NUP153: variants seen among roughly 807,000 people sequenced by gnomAD.
NUP153 encodes the protein nuclear pore complex protein Nup153.
A neutral mutation model predicts 134.6 loss-of-function variants in NUP153; 27 were observed. The observed-to-expected ratio is 0.20, with a 90% CI of 0.15 to 0.28. NUP153 has a LOEUF of 0.28. Among genes scored for constraint, NUP153 ranks in the 10% least tolerant of loss-of-function variants. NUP153 has a pLI of 1.00. For synonymous variants in NUP153, 640 were observed against 623.5 expected (o/e 1.03, Z -0.40); for missense variants, 1,821 against 1,731.3 (o/e 1.05, Z -0.92).
At position 17,646,099 on chromosome 6, in the gene NUP153, C is replaced by T. The variant is rs769202315; in HGVS notation, c.1688G>A (p.Ser563Asn). Residue 563 changes from serine (S) to asparagine (N), a missense_variant, in exon 14 of 22, where the codon AGT (serine) becomes AAT (asparagine). By Grantham distance (46) the Ser-to-Asn change is conservative. Transcript: ENST00000262077. ...ACTTATAATTGGTTCTAAAGTACTA[C>T]TAGAACCAGAAAGTTCTGCTGTTTT... ...VAKTAELSGS[S>N]STLEPIISSS... The T allele has an allele frequency of 9.4e-6, 15 of 1,596,838 alleles. No homozygotes were observed. Among genetic ancestry groups the T allele is most frequent in the Non-Finnish European group, 1.3e-5 (15 of 1,164,992 alleles).
chr6:17,616,689 G>A lies in NUP153; in HGVS notation c.4181C>T (p.Ala1394Val), dbSNP rs2113755551. The change falls in exon 21 of 22, where the codon GCT becomes GTT. Residue 1394 changes from alanine (A) to valine (V), a missense_variant. Physicochemically the swap from Ala to Val is moderately conservative, Grantham distance 64. Coordinates refer to ENST00000262077, the MANE Select transcript of NUP153 (RefSeq NM_005124.4). ...TGTAGTGCTGCTGCCAAACTGGAAA[G>A]CCGAACCTGCAATAGTTAAAGCAGA... ...GSGTTPNSSS[A>V]FQFGSSTTNF... 2 of 1,611,680 alleles carry A rather than the reference G, an allele frequency of 1.2e-6. No individual in the cohort carries two copies. Among genetic ancestry groups the A allele is most frequent in the East Asian group, 4.5e-5 (2 of 44,840 alleles).
chr6:17,648,013 T>C, intron 12 of NUP153, 108 bp from the exon 13 acceptor site: 2 of 693,854 alleles, frequency 2.9e-6, no homozygotes, highest in Non-Finnish European at 5.0e-6. Flanking sequence ...CTAAGTATTT[T>C]TTCCTTTTAA....
Position 17,629,315 on chromosome 6 carries a change from C to G in NUP153, c.2884G>C (p.Gly962Arg). 6.2e-7 allele frequency: 1 copy of G among 1,606,850 alleles called. No individual in the cohort carries two copies. Among genetic ancestry groups the G allele is most frequent in the Non-Finnish European group, 8.5e-7 (1 of 1,178,192 alleles). ...TCGGGCTTAGATTCAGATGAAACTC[C>G]AAATTTAAAATCTCCTATTGGTTTA... is the stretch of plus-strand genomic sequence containing the variant. ...FSKPIGDFKF[G>R]VSSESKPEEV... The change falls in exon 18 of 22, where the codon GGA becomes CGA. Residue 962 changes from glycine (G) to arginine (R), a missense_variant. Coordinates refer to ENST00000262077, the MANE Select transcript of NUP153 (RefSeq NM_005124.4).
Position 17,661,684 on chromosome 6 carries a change from C to A in NUP153, c.1364G>T (p.Arg455Leu). 1.2e-6 allele frequency: 2 copies of A among 1,613,826 alleles called. No individual in the cohort carries two copies. Among genetic ancestry groups the A allele is most frequent in the South Asian group, 2.2e-5 (2 of 91,054 alleles). ...GGGKMRRERTRFVASKPLEEE... is the reference protein window; with the variant it reads ...GGGKMRRERTLFVASKPLEEE... ...CTCCAGAGGTTTAGAAGCAACAAAG[C>A]GTGTTCTTTCTCGTCTCATCTTGCC... The change falls in exon 11 of 22, where the codon CGC (arginine) becomes CTC (leucine). Residue 455 changes from arginine to leucine, a missense_variant. By Grantham distance (102) the Arg-to-Leu change is moderately radical. Transcript: ENST00000262077.
chr6:17,665,861 T>G (rs988089807), intron 8 of NUP153, among the ~76,000 whole-genome samples: 6 of 150,736 alleles, frequency 4.0e-5, no homozygotes, highest in African/African-American at 9.8e-5. Flanking sequence ...ATTTTTTTGG[T>G]TTTTTTTTGT....
At chr6:17,684,605 T>C (rs1768800949) in intron 2 of NUP153, among the ~76,000 whole-genome samples, 1 of 152,224 alleles carries the variant, frequency 6.6e-6, no homozygotes, top group South Asian at 2.1e-4. Flanking sequence ...TTAATTTCCA[T>C]CAATAACTTT....
intron 16 of NUP153, among the ~76,000 whole-genome samples, chr6:17,635,384 C>CAGGT (rs1348401886): frequency 6.6e-6 from 1 of 152,072 alleles, no homozygotes; most frequent in Non-Finnish European, 1.5e-5. Context: ...GCTGGGATTA[C>CAGGT]AGGTGTAAGC....
intron 15 of NUP153, 97 bp downstream of exon 15, chr6:17,639,842 A>G: frequency 9.1e-7 from 1 of 1,095,206 alleles, no homozygotes. Flanking sequence ...CTACCAAACT[A>G]GTCAGAAATT....
chr6:17,626,230 T>C, intron 18 of NUP153, 66 bp from the exon 19 acceptor site: 1 of 1,214,740 alleles, frequency 8.2e-7, no homozygotes, highest in Non-Finnish European at 1.2e-6. Flanking sequence ...TACTTTTTCC[T>C]ACCCTACAAT....
At chr6:17,616,290 G>GGGGGCCCC in intron 21 of NUP153, 109 bp from the exon 22 acceptor site, 1 of 473,868 alleles carries the variant, frequency 2.1e-6, no homozygotes, top group East Asian at 4.5e-5. Flanking sequence ...GGTGGGGGGG[G>GGGGGCCCC]AGTAGACTCA....
chr6:17,669,810 T>C (rs2113827482), intron 5 of NUP153, among the ~76,000 whole-genome samples: 1 of 152,172 alleles, frequency 6.6e-6, no homozygotes, highest in Middle Eastern at 3.4e-3. Context: ...AAAGAAAGTA[T>C]GGGCCGGGCA....
intron 1 of NUP153, among the ~76,000 whole-genome samples, chr6:17,704,656 A>C (rs1278525857): frequency 6.6e-6 from 1 of 152,138 alleles, no homozygotes; most frequent in African/African-American, 2.4e-5. Flanking sequence ...AGAACGACTG[A>C]AAATACCTGA....
At chr6:17,694,710 G>A (rs35387214) in intron 1 of NUP153, among the ~76,000 whole-genome samples, 3,553 of 151,640 alleles carry the variant, frequency 0.023, 66 homozygotes, top group Non-Finnish European at 0.028. Context: ...GGGCCACGGT[G>A]GCTTACTCCT....
At chr6:17,696,420 A>T (rs902198545) in intron 1 of NUP153, among the ~76,000 whole-genome samples, 3 of 152,146 alleles carry the variant, frequency 2.0e-5, no homozygotes, top group Admixed American at 6.6e-5. Flanking sequence ...AGCAGGCATG[A>T]GGGAAATAAG....
At chr6:17,660,425 A>G (rs1009047408) in intron 11 of NUP153, among the ~76,000 whole-genome samples, 2 of 152,132 alleles carry the variant, frequency 1.3e-5, no homozygotes, top group Non-Finnish European at 2.9e-5. Flanking sequence ...ATTCAACTTA[A>G]AGTAGTTAGA....
intron 2 of NUP153, among the ~76,000 whole-genome samples, chr6:17,676,654 T>C (rs1261973071): frequency 6.6e-6 from 1 of 151,616 alleles, no homozygotes; most frequent in Non-Finnish European, 1.5e-5. Context: ...GGAGAAAAAA[T>C]ATGAAGCTAC....
intron 15 of NUP153, among the ~76,000 whole-genome samples, chr6:17,639,238 C>T (rs1765719208): frequency 6.6e-6 from 1 of 151,974 alleles, no homozygotes; most frequent in Admixed American, 6.6e-5. Flanking sequence ...CCAGGACGCC[C>T]AGCTAATTTT....
intron 2 of NUP153, among the ~76,000 whole-genome samples, chr6:17,684,835 A>C (rs1768812676): frequency 6.6e-6 from 1 of 152,210 alleles, no homozygotes; most frequent in Admixed American, 6.5e-5. Flanking sequence ...AAAGAGGGAG[A>C]AAAGAGGGGA....
At chr6:17,645,490 GA>G (rs1766117897) in intron 14 of NUP153, among the ~76,000 whole-genome samples, 1 of 148,478 alleles carries the variant, frequency 6.7e-6, no homozygotes, top group Non-Finnish European at 1.5e-5. Context: ...TTTCGGTAGG[GA>G]TGAGTCTCAC....
Sources: gnomAD v4.1 joint callset for allele counts (sites outside exome capture counted in the v4.1 genomes callset) on GRCh38, gnomAD v4.1.1 for gene constraint, MANE v1.5 for transcripts, NCBI Gene and HGNC (gene_info 2026-07-23, HGNC 2026-07-21) for gene names.